Variants in KIAA0586 observed in about 807,000 individuals in gnomAD.
The protein encoded by KIAA0586 is KIAA0586, also known as protein TALPID3.
Under a neutral mutation model 169.8 loss-of-function variants are expected in KIAA0586, and 144 were observed. The observed-to-expected ratio is 0.85, with a 90% CI of 0.74 to 0.97. The LOEUF (loss-of-function observed/expected upper bound fraction) is 0.97, where lower values mean the gene tolerates loss of function less well. KIAA0586 is among the 50% of genes least tolerant of loss of function. The pLI, the probability that KIAA0586 is intolerant of heterozygous loss-of-function variation, is 0.00. For missense variants in KIAA0586, 1,854 were observed against 1,823.0 expected (o/e 1.02, Z -0.31); for synonymous variants, 625 against 612.4 (o/e 1.02, Z -0.30).
At chr14:58,504,720 A>G (rs1595408977) in intron 27 of KIAA0586, among the ~76,000 whole-genome samples, 1 of 152,302 alleles carries the variant, frequency 6.6e-6, no homozygotes, top group Non-Finnish European at 1.5e-5. Flanking sequence ...TACAGGTAAG[A>G]CACCCACACT....
rs78701739 is a variant in KIAA0586, at chr14:58,481,002, G to A, written c.2945-1511G>A. Among the ~76,000 whole-genome samples, 325 of 152,262 alleles carry A rather than the reference G, an allele frequency of 2.1e-3. 1 individual carries two copies. The highest frequency in any genetic ancestry group is 7.3e-3 in the African/African-American group (304 of 41,556). On this transcript the variant is annotated intron_variant, in intron 20 of 30. Transcript: ENST00000652326. ...TAGGGATTTGGGACCTTATAAAAAC[G>A]ATGTTCTGATTTTGGGCCATGCTCA...
At chr14:58,463,271 T>C (rs962110301) in intron 14 of KIAA0586, among the ~76,000 whole-genome samples, 4 of 152,214 alleles carry the variant, frequency 2.6e-5, no homozygotes, top group African/African-American at 9.7e-5. Flanking sequence ...CACTTCACAT[T>C]TCCTGTGTTA....
intron 6 of KIAA0586, among the ~76,000 whole-genome samples, chr14:58,445,323 C>T (rs1036672670): frequency 2.6e-5 from 4 of 152,034 alleles, no homozygotes; most frequent in Non-Finnish European, 2.9e-5. Flanking sequence ...AAATAATGAA[C>T]ATTTTTAATG....
At chr14:58,464,271 A>G (rs779234122) in intron 14 of KIAA0586, 2 of 246,754 alleles carry the variant, frequency 8.1e-6, no homozygotes, top group Non-Finnish European at 1.6e-5. Context: ...GACAGGTTTT[A>G]TATTATAAAG....
the KIAA0586 span, among the ~76,000 whole-genome samples, chr14:58,558,373 G>A: frequency 2.0e-5 from 3 of 152,170 alleles, no homozygotes; most frequent in Non-Finnish European, 2.9e-5. Context: ...GAAATTTTCA[G>A]GTAGAGTTGT....
intron 20 of KIAA0586, among the ~76,000 whole-genome samples, chr14:58,477,716 T>C (rs2041750275): frequency 6.6e-6 from 1 of 152,100 alleles, no homozygotes; most frequent in Non-Finnish European, 1.5e-5. Context: ...TTTTCTTTTC[T>C]TCCTTTCTTT....
Position 58,549,909 on chromosome 14 carries a change from TA to T in KIAA0586, c.*1979del, listed in dbSNP as rs2047160133. 6.6e-6 allele frequency: 1 copy of T among 152,224 alleles called. No individual in the cohort carries two copies. Among genetic ancestry groups the T allele is most frequent in the Admixed American group, 6.5e-5 (1 of 15,284 alleles). 9.4% of individuals were successfully genotyped at this position (152,224 alleles called of 1,614,324 possible). A position where few individuals can be genotyped will look rare whatever the true frequency, so the allele number is the denominator to read the frequency against. ...CTAACCATAGAAAGCCTGCCTTTTC[TA>T]ACTTTAGGGTAGAAGTGTAATCTTT... On this transcript the variant is annotated 3_prime_UTR_variant, in exon 31 of 31. Transcript: ENST00000652326.
rs960609977 is a variant in KIAA0586 at position 58,427,876 on chromosome 14, A to C, written c.-389A>C. The C allele has an allele frequency of 2.2e-6, 3 of 1,377,290 alleles. No homozygotes were observed. The allele number at this position is 1,377,290 out of a possible 1,614,324, so 85.3% of individuals were successfully genotyped here. ...TTCTTATGTGGGTCATTATTTTAAA[A>C]ATAGCATTTCGCTTTTATTTGCTTG... On this transcript the variant is annotated 5_prime_UTR_variant, in exon 1 of 31. Coordinates refer to ENST00000652326, the MANE Select transcript of KIAA0586 (RefSeq NM_001329943.3).
intron 29 of KIAA0586, among the ~76,000 whole-genome samples, chr14:58,532,185 GA>G (rs973711401): frequency 7.0e-5 from 10 of 143,020 alleles, no homozygotes; most frequent in East Asian, 6.0e-4. Flanking sequence ...ATGTGTAATT[GA>G]AAAAAAAAAG....
At position 58,456,744 on chromosome 14, in the gene KIAA0586, G is replaced by GCAGA; in HGVS notation, c.1297_1300dup (p.Lys434ThrfsTer4). 6.2e-7 allele frequency: 1 copy of GCAGA among 1,606,278 alleles called. No homozygotes were observed. The highest frequency in any genetic ancestry group is 8.5e-7 in the Non-Finnish European group (1 of 1,175,886). On this transcript the variant is annotated frameshift_variant, in exon 10 of 31. Coordinates refer to ENST00000652326, the MANE Select transcript of KIAA0586 (RefSeq NM_001329943.3). LOFTEE classifies it high-confidence loss of function. Reference sequence around the variant, plus strand: ...AGCTAGAAACAACTAAAGTGACTATGCAGAAGTCTGATGATGTTCTTCATG... The same window carrying GCAGA: ...AGCTAGAAACAACTAAAGTGACTATGCAGACAGAAGTCTGATGATGTTCTTCATG...
chr14:58,534,429 T>C (rs950337802), intron 29 of KIAA0586, among the ~76,000 whole-genome samples: 4 of 152,218 alleles, frequency 2.6e-5, no homozygotes, highest in African/African-American at 9.6e-5. Flanking sequence ...ACTTCTTTCC[T>C]ACCAAAGAAA....
At position 58,458,909 on chromosome 14, in the gene KIAA0586, G is replaced by GA. The variant is rs2040094676; in HGVS notation, c.1656+371dup. Among the ~76,000 whole-genome samples, 3 of 152,182 alleles carry GA rather than the reference G, an allele frequency of 2.0e-5. No individual in the cohort carries two copies. The South Asian group carries it at 6.2e-4, about 32-fold the overall frequency. Reference sequence around the variant, plus strand: ...TAAAAATACCAGAGTAATGCAAAGAGAAAAAAACCAACGAGATTTACTAAG... The same window carrying GA: ...TAAAAATACCAGAGTAATGCAAAGAGAAAAAAAACCAACGAGATTTACTAAG... On this transcript the variant is annotated intron_variant, in intron 12 of 30. Transcript: ENST00000652326.
chr14:58,501,986 A>C (rs1230525094), intron 27 of KIAA0586, among the ~76,000 whole-genome samples: 2 of 152,146 alleles, frequency 1.3e-5, no homozygotes, highest in Non-Finnish European at 2.9e-5. Flanking sequence ...ACTAGGGTTG[A>C]AGGATCCACT....
At chr14:58,506,026 A>G (rs2043912610) in intron 27 of KIAA0586, among the ~76,000 whole-genome samples, 1 of 152,084 alleles carries the variant, frequency 6.6e-6, no homozygotes, top group Admixed American at 6.6e-5. Context: ...CACATTACCA[A>G]TTCTCTTATT....
rs181418175 is a variant in KIAA0586, at chr14:58,442,036, T to A, written c.411-670T>A. ...AAAGAAAACAATAGTGTTTCTTGGG[T>A]TGTCTGCCTTTAGGAGTAAAGCTTG... On this transcript the variant is annotated intron_variant, in intron 4 of 30. Coordinates refer to ENST00000652326, the MANE Select transcript of KIAA0586 (RefSeq NM_001329943.3). 4 of 152,334 alleles carry A rather than the reference T, an allele frequency of 2.6e-5. No individual in the cohort carries two copies. The South Asian group carries it at 6.2e-4, about 24-fold the overall frequency. The allele number at this position is 152,334 out of a possible 1,614,324, so 9.4% of individuals were successfully genotyped here.
chr14:58,504,902 G>A (rs1202482128), intron 27 of KIAA0586, among the ~76,000 whole-genome samples: 1 of 152,142 alleles, frequency 6.6e-6, no homozygotes, highest in Non-Finnish European at 1.5e-5. Context: ...TTAATCTCAT[G>A]TGAGGGTACG....
chr14:58,470,606 G>C lies in KIAA0586; in HGVS notation c.2443-7G>C, dbSNP rs200105736. The C allele has an allele frequency of 6.0e-6, 9 of 1,509,130 alleles. No individual in the cohort carries two copies. In the South Asian group the frequency reaches 1.0e-4, roughly 17 times the overall value. 93.5% of individuals were successfully genotyped at this position (1,509,130 alleles called of 1,614,324 possible). On this transcript the variant is annotated splice_region_variant and splice_polypyrimidine_tract_variant and intron_variant, in intron 16 of 30. Transcript: ENST00000652326. ...AACAGAAAGCTGAATGTTGTATTCT[G>C]TTTTAGGTATTACCCAGTGTAGATA...
At chr14:58,462,533 G>A (rs147397854) in intron 14 of KIAA0586, among the ~76,000 whole-genome samples, 111 of 152,300 alleles carry the variant, frequency 7.3e-4, no homozygotes, top group African/African-American at 2.0e-3. Context: ...GATTACAGGC[G>A]TGAGCCACTG....
chr14:58,464,106 A>G, intron 14 of KIAA0586: 1 of 405,004 alleles, frequency 2.5e-6, no homozygotes, highest in Non-Finnish European at 5.0e-6. Flanking sequence ...ACCCCATGAC[A>G]CAGGCTGGGC....
Sources: allele counts gnomAD v4.1 joint callset (sites outside exome capture counted in the v4.1 genomes callset), GRCh38; gene constraint gnomAD v4.1.1; transcripts MANE v1.5; gene names NCBI Gene and HGNC (gene_info 2026-07-23, HGNC 2026-07-21).